TRAPPC9: variants seen among roughly 807,000 people sequenced by gnomAD.
The protein encoded by TRAPPC9 is IKK2 binding protein.
A neutral mutation model predicts 124.0 loss-of-function variants in TRAPPC9; 83 were observed. That is an observed-to-expected ratio of 0.67 (90% CI 0.56 to 0.80). The LOEUF is 0.80. Among genes scored for constraint, TRAPPC9 ranks in the 30% least tolerant of loss-of-function variants. The probability of loss-of-function intolerance (pLI) is 0.00; values close to 1 mark genes in which losing one functional copy is unlikely to be tolerated. For missense variants in TRAPPC9, 1,302 were observed against 1,508.3 expected, an observed-to-expected ratio of 0.86 and a Z score of 2.27; for synonymous variants, 638 against 617.5, an observed-to-expected ratio of 1.03 and a Z score of -0.49.
At chr8:139,872,970 T>A (rs144988195) in intron 21 of TRAPPC9, among the ~76,000 whole-genome samples, 2,153 of 2,174 alleles carry the variant, frequency 0.99, 1,076 homozygotes, top group Middle Eastern at 1. Context: ...ATGGTTGGTT[T>A]GGTGGATAAA....
In TRAPPC9 at chr8:140,342,009, G is replaced by A. The variant is rs115220244; in HGVS notation, c.1495+18041C>T. 2.3e-3 allele frequency among the ~76,000 whole-genome samples: 352 copies of A among 152,368 alleles called. 1 individual carries two copies. The highest frequency in any genetic ancestry group is 8.0e-3 in the African/African-American group (334 of 41,588). On this transcript the variant is annotated intron_variant, in intron 9 of 22. Transcript: ENST00000438773. ...GAAAGAAAGATCACTTTATCATAGG[G>A]GTGGAGGACAGGAAAGAAAGGGCGG...
chr8:140,222,066 C>T (rs542580043), intron 16 of TRAPPC9, among the ~76,000 whole-genome samples: 12 of 152,244 alleles, frequency 7.9e-5, no homozygotes, highest in African/African-American at 2.9e-4. Flanking sequence ...ATGTGATGAC[C>T]AAGGCCCCAG....
At chr8:140,458,262 T>A, upstream of TRAPPC9, 1 of 1,552,000 alleles carries the variant, frequency 6.4e-7, no homozygotes, top group Non-Finnish European at 8.7e-7. Context: ...GGAGGCCCAG[T>A]TCTGTCCCCG....
intron 21 of TRAPPC9, among the ~76,000 whole-genome samples, chr8:139,790,673 C>G (rs745423476): frequency 5.3e-5 from 8 of 152,196 alleles, no homozygotes; most frequent in Non-Finnish European, 1.0e-4. Flanking sequence ...TGACAATGCA[C>G]AGGACAGCCC....
chr8:139,791,911 G>A (rs2130610093), intron 21 of TRAPPC9, among the ~76,000 whole-genome samples: 1 of 152,312 alleles, frequency 6.6e-6, no homozygotes, highest in Admixed American at 6.5e-5. Flanking sequence ...GGGTGGGGGT[G>A]TGGAAGGAGC....
intron 16 of TRAPPC9, among the ~76,000 whole-genome samples, chr8:140,243,187 C>T (rs1367009439): frequency 6.6e-6 from 1 of 152,100 alleles, no homozygotes; most frequent in Non-Finnish European, 1.5e-5. Context: ...GTCCATGGGC[C>T]GTGACCTACA....
At chr8:139,914,285 G>A (rs1244152337) in intron 19 of TRAPPC9, among the ~76,000 whole-genome samples, 1 of 152,274 alleles carries the variant, frequency 6.6e-6, no homozygotes, top group Non-Finnish European at 1.5e-5. Flanking sequence ...GCGCTTGGCT[G>A]AGAGGCTCAC....
intron 21 of TRAPPC9, among the ~76,000 whole-genome samples, chr8:139,736,663 G>A (rs559599229): frequency 6.6e-5 from 10 of 152,350 alleles, no homozygotes; most frequent in Non-Finnish European, 1.5e-4. Flanking sequence ...TGGTGGAAAC[G>A]GGTCTAATGA....
At chr8:139,786,073 T>C (rs1374390079) in intron 21 of TRAPPC9, among the ~76,000 whole-genome samples, 1 of 152,066 alleles carries the variant, frequency 6.6e-6, no homozygotes, top group Non-Finnish European at 1.5e-5. Flanking sequence ...CTGGGTGTGG[T>C]GGCGGGCGCC....
intron 17 of TRAPPC9, among the ~76,000 whole-genome samples, chr8:140,173,082 T>C (rs879258531): frequency 1.3e-5 from 2 of 152,226 alleles, no homozygotes; most frequent in Admixed American, 1.3e-4. Context: ...ATAATGCTAC[T>C]GCTGTTCCAT....
At chr8:140,452,362 G>GTGAGCC (rs1012506540) in intron 1 of TRAPPC9, among the ~76,000 whole-genome samples, 2 of 148,730 alleles carry the variant, frequency 1.3e-5, no homozygotes, top group Admixed American at 1.3e-4. Context: ...AGAGCTTGCA[G>GTGAGCC]TGAGCCCAGA....
At chr8:140,017,190 T>A (rs978901342) in intron 18 of TRAPPC9, among the ~76,000 whole-genome samples, 2 of 152,234 alleles carry the variant, frequency 1.3e-5, no homozygotes, top group Admixed American at 6.5e-5. Context: ...TATCTTAGAA[T>A]GTAATTTGCC....
chr8:140,150,640 C>T (rs73361188), intron 17 of TRAPPC9, among the ~76,000 whole-genome samples: 1,547 of 152,184 alleles, frequency 0.01, 25 homozygotes, highest in African/African-American at 0.035. Context: ...AGATCATCCA[C>T]GCAGGGAAAG....
chr8:140,173,757 T>C (rs145463296), intron 17 of TRAPPC9, among the ~76,000 whole-genome samples: 25 of 152,254 alleles, frequency 1.6e-4, no homozygotes, highest in Non-Finnish European at 2.8e-4. Context: ...TATCCATGCA[T>C]TGGAAATATT....
At chr8:139,951,246 T>TTCGAAGTGGTCACAGCTGGGTG (rs1834627672) in intron 19 of TRAPPC9, among the ~76,000 whole-genome samples, 1 of 152,348 alleles carries the variant, frequency 6.6e-6, no homozygotes, top group East Asian at 1.9e-4. Flanking sequence ...CACCGTTCTC[T>TTCGAAGTGGTCACAGCTGGGTG]TCGAAGTGGT....
At chr8:140,295,088 T>A (rs1328242426) in intron 11 of TRAPPC9, among the ~76,000 whole-genome samples, 1 of 152,172 alleles carries the variant, frequency 6.6e-6, no homozygotes, top group Non-Finnish European at 1.5e-5. Flanking sequence ...CGGGACACAC[T>A]GTGCATGCTG....
chr8:140,287,550 G>A lies in TRAPPC9; in HGVS notation c.1981+58C>T. The stretch of plus-strand genomic sequence containing the variant: ...GCGATCGGCTCTGGACCTCATGGAG[G>A]CCATGCAAGGGTTCAGCAGACCCTC... On this transcript the variant is annotated intron_variant, in intron 13 of 22. Transcript: ENST00000438773. 45 of 1,608,274 alleles carry A rather than the reference G, an allele frequency of 2.8e-5. 1 individual carries two copies. In the South Asian group the frequency reaches 4.5e-4, roughly 16 times the overall value.
chr8:140,224,556 A>C (rs962572192), intron 16 of TRAPPC9, among the ~76,000 whole-genome samples: 2 of 152,170 alleles, frequency 1.3e-5, no homozygotes, highest in Non-Finnish European at 2.9e-5. Context: ...CACAAAGCAA[A>C]GGGTAGACCG....
chr8:139,834,944 C>T (rs1044572219), intron 21 of TRAPPC9, among the ~76,000 whole-genome samples: 4 of 152,182 alleles, frequency 2.6e-5, no homozygotes, highest in Non-Finnish European at 4.4e-5. Flanking sequence ...ATTAAATAGG[C>T]GATTTCTATC....
Sources: gnomAD v4.1 joint callset for allele counts (sites outside exome capture counted in the v4.1 genomes callset) on GRCh38, gnomAD v4.1.1 for gene constraint, MANE v1.5 for transcripts, NCBI Gene and HGNC (gene_info 2026-07-23, HGNC 2026-07-21) for gene names.